Variants in PGAP1 observed in about 807,000 individuals in gnomAD.
PGAP1 encodes the protein post-GPI attachment to proteins inositol deacylase 1, also known as GPI inositol-deacylase.
A neutral mutation model predicts 127.0 loss-of-function variants in PGAP1; 76 were observed. That is an observed-to-expected ratio of 0.60 (90% confidence interval 0.50 to 0.72). The LOEUF is 0.72. PGAP1 is among the 30% of genes least tolerant of loss of function. PGAP1 has a pLI of 0.00. For missense variants in PGAP1, 982 were observed against 1,071.3 expected (o/e 0.92, Z 1.16); for synonymous variants, 362 against 366.5 (o/e 0.99, Z 0.14).
At chr2:196,853,003 T>C (rs986426118) in intron 20 of PGAP1, among the ~76,000 whole-genome samples, 1 of 152,210 alleles carries the variant, frequency 6.6e-6, no homozygotes, top group Non-Finnish European at 1.5e-5. Flanking sequence ...ATTAAAGATA[T>C]ACTAATGCAA....
chr2:196,862,753 T>C (rs1475106774), intron 20 of PGAP1, among the ~76,000 whole-genome samples: 1 of 152,144 alleles, frequency 6.6e-6, no homozygotes, highest in Non-Finnish European at 1.5e-5. Flanking sequence ...TACCTGTCTC[T>C]ACTAAAAATA....
In PGAP1 at chr2:196,839,316, A is replaced by C. The variant is rs1391441071; in HGVS notation, c.*1918T>G. ...TATCAGGTGACAGAATAAAAGACGC[A>C]ATGTGTATCAAAGTTGTTTATAAGT... On this transcript the variant is annotated 3_prime_UTR_variant, in exon 27 of 27. Coordinates refer to ENST00000354764, the MANE Select transcript of PGAP1 (RefSeq NM_024989.4). The C allele has an allele frequency of 6.6e-6, 1 of 152,430 alleles. No individual in the cohort carries two copies. Among genetic ancestry groups the C allele is most frequent in the Non-Finnish European group, 1.5e-5 (1 of 68,032 alleles). 9.4% of individuals were successfully genotyped at this position (152,430 alleles called of 1,614,324 possible).
At chr2:196,861,923 G>A (rs748364937) in intron 20 of PGAP1, among the ~76,000 whole-genome samples, 41 of 150,764 alleles carry the variant, frequency 2.7e-4, no homozygotes, top group African/African-American at 5.1e-4. Flanking sequence ...CATCTCGTAA[G>A]CCGAGGAGGA....
At chr2:196,926,370 A>G in intron 1 of PGAP1, 100 bp downstream of exon 1, 1 of 1,557,520 alleles carries the variant, frequency 6.4e-7, no homozygotes, top group Non-Finnish European at 8.7e-7. Context: ...AGGGGGCCCG[A>G]GAGGCGCAGA....
At chr2:196,851,239 A>G (rs1421423542) in intron 20 of PGAP1, among the ~76,000 whole-genome samples, 1 of 152,020 alleles carries the variant, frequency 6.6e-6, no homozygotes, top group African/African-American at 2.4e-5. Flanking sequence ...TCATGCTTGT[A>G]TACATAATAG....
In PGAP1 at chr2:196,833,714, T is replaced by C. The variant is rs1700158720; in HGVS notation, c.*7520A>G. 6.6e-6 allele frequency: 1 copy of C among 152,124 alleles called. No individual in the cohort carries two copies. Among genetic ancestry groups the C allele is most frequent in the African/African-American group, 2.4e-5 (1 of 41,476 alleles). 9.4% of individuals were successfully genotyped at this position (152,124 alleles called of 1,614,324 possible). A position where few individuals can be genotyped will look rare whatever the true frequency, so the allele number is the denominator to read the frequency against. The stretch of plus-strand genomic sequence containing the variant: ...AAATGGGAAAACAATGTGTTGAGTT[T>C]ACTTTCAAAATTGAAATTGAAAAAT... On this transcript the variant is annotated 3_prime_UTR_variant, in exon 27 of 27. Coordinates refer to ENST00000354764, the MANE Select transcript of PGAP1 (RefSeq NM_024989.4).
chr2:196,851,326 T>C (rs1700715139), intron 20 of PGAP1, among the ~76,000 whole-genome samples: 1 of 151,980 alleles, frequency 6.6e-6, no homozygotes, highest in Admixed American at 6.6e-5. Flanking sequence ...CACACAAAAA[T>C]ACTTCTCTGA....
chr2:196,855,897 T>C (rs1445093424), intron 20 of PGAP1, among the ~76,000 whole-genome samples: 1 of 152,224 alleles, frequency 6.6e-6, no homozygotes, highest in Non-Finnish European at 1.5e-5. Flanking sequence ...ACAGAATATC[T>C]GACTTTAAGG....
At chr2:196,842,551 T>C (rs923974723) in intron 26 of PGAP1, among the ~76,000 whole-genome samples, 170 bp downstream of exon 26, 1 of 152,002 alleles carries the variant, frequency 6.6e-6, no homozygotes, top group Non-Finnish European at 1.5e-5. Context: ...TTCTATCAAA[T>C]AAAACCTATA....
chr2:196,889,583 G>A (rs1179883872), intron 10 of PGAP1, among the ~76,000 whole-genome samples: 4 of 151,806 alleles, frequency 2.6e-5, no homozygotes, highest in African/African-American at 4.8e-5. Context: ...GAGGCCGGGC[G>A]CGGTGGCTCA....
At chr2:196,872,379 A>C (rs1240902444) in intron 18 of PGAP1, 62 bp downstream of exon 18, 24 of 1,183,494 alleles carry the variant, frequency 2.0e-5, no homozygotes, top group Non-Finnish European at 2.8e-5. Context: ...GCTTATATAA[A>C]AAGAACATTT....
rs117084928 is a variant in PGAP1, at chr2:196,840,934, C to A, written c.*300G>T. ...ACTAAATCTCTCATATCAGACTTCT[C>A]GTACAGTTGATAAAACAGACTATTT... On this transcript the variant is annotated 3_prime_UTR_variant, in exon 27 of 27. Coordinates refer to ENST00000354764, the MANE Select transcript of PGAP1 (RefSeq NM_024989.4). The A allele has an allele frequency of 4.4e-6, 1 of 229,060 alleles. No individual in the cohort carries two copies. The highest frequency in any genetic ancestry group is 8.6e-5 in the East Asian group (1 of 11,642). 14.2% of individuals were successfully genotyped at this position (229,060 alleles called of 1,614,324 possible).
chr2:196,920,187 T>A (rs1037529421), intron 1 of PGAP1, 37 bp from the exon 2 acceptor site: 1 of 1,564,920 alleles, frequency 6.4e-7, no homozygotes, highest in Non-Finnish European at 8.7e-7. Flanking sequence ...TTTAATCAGT[T>A]TTATTAATAC....
intron 20 of PGAP1, among the ~76,000 whole-genome samples, chr2:196,864,647 A>C (rs564726717): frequency 1.3e-5 from 2 of 152,126 alleles, no homozygotes; most frequent in Non-Finnish European, 1.5e-5. Context: ...GAATGTTAAT[A>C]ATTTGCAGGT....
intron 5 of PGAP1, among the ~76,000 whole-genome samples, chr2:196,901,351 G>A (rs905855904): frequency 8.5e-5 from 13 of 152,190 alleles, no homozygotes; most frequent in East Asian, 5.8e-4. Flanking sequence ...TTTGTTCTAT[G>A]TATGGCAAGC....
At chr2:196,890,958 A>G in intron 9 of PGAP1, 47 bp from the exon 10 acceptor site, 1 of 946,822 alleles carries the variant, frequency 1.1e-6, no homozygotes, top group Non-Finnish European at 1.7e-6. Context: ...TGAGCAGATT[A>G]GTTTCATCAT....
chr2:196,926,193 G>A (rs1350916702), intron 1 of PGAP1, among the ~76,000 whole-genome samples: 1 of 152,084 alleles, frequency 6.6e-6, no homozygotes, highest in African/African-American at 2.4e-5. Context: ...GGCTGGGGAG[G>A]AGGCGGAGGG....
In PGAP1 at chr2:196,839,460, G is replaced by A. The variant is rs1275747842; in HGVS notation, c.*1774C>T. 1.3e-5 allele frequency: 2 copies of A among 152,160 alleles called. No homozygotes were observed. The highest frequency in any genetic ancestry group is 2.9e-5 in the Non-Finnish European group (2 of 68,024). The allele number at this position is 152,160 out of a possible 1,614,324, so 9.4% of individuals were successfully genotyped here. A position where few individuals can be genotyped will look rare whatever the true frequency, so the allele number is the denominator to read the frequency against. ...CTCCAGCTGAAACATATAGCACTTT[G>A]TATTTTATCTCTTCTGCTACTTCTC... is the stretch of plus-strand genomic sequence containing the variant. On this transcript the variant is annotated 3_prime_UTR_variant, in exon 27 of 27. Transcript: ENST00000354764.
Position 196,872,999 on chromosome 2 carries a change from T to A in PGAP1, c.1580A>T (p.His527Leu). 1 of 1,030,840 alleles carries A rather than the reference T, an allele frequency of 9.7e-7. No homozygotes were observed. The highest frequency in any genetic ancestry group is 2.7e-5 in the East Asian group (1 of 37,622). The allele number at this position is 1,030,840 out of a possible 1,614,324, so 63.9% of individuals were successfully genotyped here. The change falls in exon 17 of 27, where the codon CAT becomes CTT. Residue 527 changes from histidine (H) to leucine (L), a missense_variant. Physicochemically the swap from His to Leu is moderately conservative, Grantham distance 99. Transcript: ENST00000354764. ...TGAATCTTCATAAGACCAAGGAATA[T>A]GAAGTCTATAGATACTGGTTATTTC... ...KEEITSIYRL[H>L]IPWSYEDSLT...
Sources: gnomAD v4.1 joint callset for allele counts (sites outside exome capture counted in the v4.1 genomes callset) on GRCh38, gnomAD v4.1.1 for gene constraint, MANE v1.5 for transcripts, NCBI Gene and HGNC (gene_info 2026-07-23, HGNC 2026-07-21) for gene names.